SYNDIG1: variants seen among roughly 807,000 people sequenced by gnomAD.
The protein encoded by SYNDIG1 is synapse differentiation inducing 1.
In SYNDIG1, 9 loss-of-function variants were observed where a neutral mutation model predicts 19.4. The observed-to-expected ratio is 0.46, with a 90% confidence interval of 0.28 to 0.81. SYNDIG1 has a LOEUF of 0.81. SYNDIG1 is among the 30% of genes least tolerant of loss of function. The pLI is 0.12. For synonymous variants in SYNDIG1, 141 were observed against 145.9 expected, an observed-to-expected ratio of 0.97 and a Z score of 0.24; for missense variants, 311 against 343.3, an observed-to-expected ratio of 0.91 and a Z score of 0.74.
At chr20:24,531,190 A>G (rs2057251459) in intron 1 of SYNDIG1, among the ~76,000 whole-genome samples, 1 of 152,078 alleles carries the variant, frequency 6.6e-6, no homozygotes, top group South Asian at 2.1e-4. Context: ...TGCTACAGAG[A>G]TGGTCTTATA....
intron 1 of SYNDIG1, among the ~76,000 whole-genome samples, chr20:24,501,847 G>C (rs1052289129): frequency 6.6e-6 from 1 of 152,238 alleles, no homozygotes; most frequent in African/African-American, 2.4e-5. Context: ...GGTGCCCCAG[G>C]TGTACCCACT....
At chr20:24,504,337 C>T (rs559702894) in intron 1 of SYNDIG1, among the ~76,000 whole-genome samples, 2 of 150,152 alleles carry the variant, frequency 1.3e-5, no homozygotes, top group Non-Finnish European at 3.0e-5. Flanking sequence ...TAGATTGTGG[C>T]ATAGGTAGCC....
chr20:24,517,035 G>C (rs6138311), intron 1 of SYNDIG1, among the ~76,000 whole-genome samples: 1 of 152,060 alleles, frequency 6.6e-6, no homozygotes, highest in Non-Finnish European at 1.5e-5. Context: ...ATCATTCTCA[G>C]CAAACTATCG....
chr20:24,616,599 C>T (rs1163143313), intron 3 of SYNDIG1, among the ~76,000 whole-genome samples: 1 of 152,358 alleles, frequency 6.6e-6, no homozygotes, highest in East Asian at 1.9e-4. Context: ...TTGCGGGGAG[C>T]AGCAGCAGCT....
chr20:24,573,304 T>A (rs757185621), intron 2 of SYNDIG1, among the ~76,000 whole-genome samples: 10 of 152,150 alleles, frequency 6.6e-5, no homozygotes, highest in Non-Finnish European at 1.3e-4. Context: ...CGTAGATTGA[T>A]GTGGGATGAG....
In SYNDIG1 at chr20:24,588,479, G is replaced by C. The variant is rs141458419; in HGVS notation, c.618+3486G>C. ...CCAGGATGTGGTCCTGGACCCCCTA[G>C]GCACTTGCTAGAAATGCACACTGTC... On this transcript the variant is annotated intron_variant, in intron 3 of 3. Transcript: ENST00000376862. 4.3e-4 allele frequency among the ~76,000 whole-genome samples: 66 copies of C among 152,324 alleles called. 1 individual carries two copies. The East Asian group carries it at 0.012, about 28-fold the overall frequency.
At chr20:24,577,911 A>C (rs889809509) in intron 2 of SYNDIG1, among the ~76,000 whole-genome samples, 1 of 152,224 alleles carries the variant, frequency 6.6e-6, no homozygotes, top group African/African-American at 2.4e-5. Context: ...CAGAGTATTC[A>C]TGGGTAATGA....
At chr20:24,573,318 G>A (rs745928648) in intron 2 of SYNDIG1, among the ~76,000 whole-genome samples, 2 of 152,102 alleles carry the variant, frequency 1.3e-5, no homozygotes, top group African/African-American at 4.8e-5. Flanking sequence ...GGATGAGCTC[G>A]GTTTTGTTCA....
At chr20:24,620,319 G>A (rs1387015011) in intron 3 of SYNDIG1, among the ~76,000 whole-genome samples, 5 of 152,168 alleles carry the variant, frequency 3.3e-5, no homozygotes, top group African/African-American at 1.2e-4. Flanking sequence ...TGATGTCTGG[G>A]ACCTCAGCTA....
Position 24,543,083 on chromosome 20 carries a change from C to T in SYNDIG1, c.-15C>T. The T allele has an allele frequency of 6.2e-7, 1 of 1,606,774 alleles. No homozygotes were observed. Among genetic ancestry groups the T allele is most frequent in the Non-Finnish European group, 8.5e-7 (1 of 1,174,422 alleles). ...CCAGCCCACCAGCCTGACGCCCAGC[C>T]AGGGAGAGAGTACCATGGATGGCAT... On this transcript the variant is annotated 5_prime_UTR_variant, in exon 2 of 4. Transcript: ENST00000376862.
chr20:24,587,632 G>A (rs1281123015), intron 3 of SYNDIG1, among the ~76,000 whole-genome samples: 1 of 152,248 alleles, frequency 6.6e-6, no homozygotes, highest in African/African-American at 2.4e-5. Context: ...TTAAATCAGT[G>A]CTTTCCTAAG....
At chr20:24,550,772 A>T (rs979748952) in intron 2 of SYNDIG1, among the ~76,000 whole-genome samples, 1 of 152,126 alleles carries the variant, frequency 6.6e-6, no homozygotes, top group African/African-American at 2.4e-5. Context: ...GGCCTCCCAA[A>T]GTGCTGGGAT....
At chr20:24,531,540 A>T (rs1277855165) in intron 1 of SYNDIG1, among the ~76,000 whole-genome samples, 1 of 152,128 alleles carries the variant, frequency 6.6e-6, no homozygotes, top group Non-Finnish European at 1.5e-5. Flanking sequence ...AAATAATTGC[A>T]CTTGCAATCC....
At chr20:24,574,164 C>T (rs1411464780) in intron 2 of SYNDIG1, among the ~76,000 whole-genome samples, 2 of 152,190 alleles carry the variant, frequency 1.3e-5, no homozygotes, top group Admixed American at 1.3e-4. Context: ...AGCTCTGCTG[C>T]AAGGAGCCAG....
intron 2 of SYNDIG1, among the ~76,000 whole-genome samples, chr20:24,561,992 G>A (rs1032387857): frequency 6.6e-6 from 1 of 152,222 alleles, no homozygotes; most frequent in African/African-American, 2.4e-5. Context: ...TTCCAGATCT[G>A]CATGTGGATC....
chr20:24,655,688 T>A (rs2059517690), intron 3 of SYNDIG1, among the ~76,000 whole-genome samples: 1 of 151,836 alleles, frequency 6.6e-6, no homozygotes, highest in African/African-American at 2.4e-5. Context: ...TGATAAAAAC[T>A]ATTTTAGAAA....
intron 3 of SYNDIG1, among the ~76,000 whole-genome samples, chr20:24,660,940 C>A (rs2059578058): frequency 6.6e-6 from 1 of 152,244 alleles, no homozygotes. Context: ...CAGGTAGGAA[C>A]CGGCTGGTCA....
intron 3 of SYNDIG1, among the ~76,000 whole-genome samples, chr20:24,636,731 C>T (rs979783814): frequency 7.9e-5 from 12 of 152,208 alleles, no homozygotes; most frequent in Non-Finnish European, 2.9e-5. Flanking sequence ...AAGCTTCCAG[C>T]TTATCTATGT....
intron 3 of SYNDIG1, among the ~76,000 whole-genome samples, chr20:24,601,442 T>C (rs2058678790): frequency 1.3e-5 from 2 of 152,346 alleles, no homozygotes; most frequent in African/African-American, 4.8e-5. Flanking sequence ...CTTCTCATCA[T>C]AGGAAGATTT....
Sources: allele counts gnomAD v4.1 joint callset (sites outside exome capture counted in the v4.1 genomes callset), GRCh38; gene constraint gnomAD v4.1.1; transcripts MANE v1.5; gene names NCBI Gene and HGNC (gene_info 2026-07-23, HGNC 2026-07-21).